Variants in CACNA1C observed in about 807,000 individuals in gnomAD.
CACNA1C encodes calcium voltage-gated channel subunit alpha1 C, also known as voltage-dependent L-type calcium channel subunit alpha-1C.
A neutral mutation model predicts 229.0 loss-of-function variants in CACNA1C; 30 were observed. That is an observed-to-expected ratio of 0.13 (90% CI 0.10 to 0.18). The LOEUF is 0.18. Ranked by LOEUF, CACNA1C falls within the 10% of genes least tolerant of loss-of-function variation. The pLI is 1.00. For missense variants in CACNA1C, 1,658 were observed against 2,845.0 expected, an observed-to-expected ratio of 0.58 and a Z score of 9.49; for synonymous variants, 1,114 against 1,132.5, an observed-to-expected ratio of 0.98 and a Z score of 0.33.
At chr12:2,384,980 G>A (rs543077616) in intron 3 of CACNA1C, among the ~76,000 whole-genome samples, 2 of 152,188 alleles carry the variant, frequency 1.3e-5, no homozygotes, top group Non-Finnish European at 2.9e-5. Flanking sequence ...TCAGGGAGGG[G>A]AGCCAACTGA....
chr12:2,665,365 T>C lies in CACNA1C; in HGVS notation c.4399-216T>C, dbSNP rs1456628147. 1.3e-5 allele frequency among the ~76,000 whole-genome samples: 2 copies of C among 152,196 alleles called. No individual in the cohort carries two copies. Among genetic ancestry groups the C allele is most frequent in the African/African-American group, 2.4e-5 (1 of 41,448 alleles). On this transcript the variant is annotated intron_variant, in intron 35 of 46. Transcript: ENST00000399655. This position sits in a 1 kb window ranked among gnomAD's most constrained non-coding sequence, Gnocchi z 5.9. ...CCCAGCAGCTCGGTAGGAGGGAAGC[T>C]GTCCAGCCCACCTGTGGGTTCATCA...
chr12:2,442,262 A>G (rs2099235869), intron 3 of CACNA1C, among the ~76,000 whole-genome samples: 1 of 152,222 alleles, frequency 6.6e-6, no homozygotes, highest in African/African-American at 2.4e-5. Context: ...AATTAGCTCC[A>G]CAAGTGTTTA....
Position 1,997,853 on chromosome 12 carries a change from A to G in CACNA1C, c.139+26652A>G, listed in dbSNP as rs2041299168. On this transcript the variant is annotated intron_variant, in intron 1 of 46. Coordinates refer to the CACNA1C transcript ENST00000682462. ...TTACTTCTTTTTGAAATAAAACTGC[A>G]TGCACTTGAAGAAGAGTGACACAAC... 7.2e-6 allele frequency: 8 copies of G among 1,107,284 alleles called. 1 individual carries two copies. Among genetic ancestry groups the G allele is most frequent in the South Asian group, 4.3e-5 (3 of 70,532 alleles). 68.6% of individuals were successfully genotyped at this position (1,107,284 alleles called of 1,614,324 possible).
chr12:2,394,035 G>T (rs2098531050), intron 3 of CACNA1C, among the ~76,000 whole-genome samples: 1 of 151,788 alleles, frequency 6.6e-6, no homozygotes, highest in African/African-American at 2.4e-5. Context: ...AGCCTAGGAG[G>T]TCGAGGCTGC....
chr12:2,632,520 G>GA lies in CACNA1C; in HGVS notation c.3829-1771dup, dbSNP rs1470724411. Among the ~76,000 whole-genome samples, 2 of 152,236 alleles carry GA rather than the reference G, an allele frequency of 1.3e-5. No individual in the cohort carries two copies. The highest frequency in any genetic ancestry group is 3.9e-4 in the East Asian group (2 of 5,174). ...TGGTTGACCTGTTGTCCAAGTACAT[G>GA]AAAAAAGTCTTTTAAGAACATTCGT... On this transcript the variant is annotated intron_variant, in intron 29 of 46. Coordinates refer to ENST00000399655, the MANE Select transcript of CACNA1C (RefSeq NM_000719.7). The surrounding 1 kb of genome is among the most constrained non-coding windows in gnomAD (Gnocchi z 4.1).
At chr12:2,192,081 C>T (rs1422375728) in intron 3 of CACNA1C, among the ~76,000 whole-genome samples, 1 of 152,162 alleles carries the variant, frequency 6.6e-6, no homozygotes, top group Non-Finnish European at 1.5e-5. Context: ...CACACACACA[C>T]ACATGCACGC....
Position 2,677,380 on chromosome 12 carries a change from AG to A in CACNA1C, c.4956+164del, listed in dbSNP as rs1157216492. The A allele has an allele frequency of 7.5e-6, 6 of 800,028 alleles. No individual in the cohort carries two copies. In the South Asian group the frequency reaches 7.7e-5, roughly 10 times the overall value. The allele number at this position is 800,028 out of a possible 1,614,324, so 49.6% of individuals were successfully genotyped here. ...GACCTTTCCAAAGATGGCTGTGAGA[AG>A]GGGGTGATGTGCCCTTCCCTACCTG... On this transcript the variant is annotated intron_variant, in intron 40 of 46. Coordinates refer to ENST00000399655, the MANE Select transcript of CACNA1C (RefSeq NM_000719.7). This position sits in a 1 kb window ranked among gnomAD's most constrained non-coding sequence, Gnocchi z 7.4.
chr12:2,211,280 A>T (rs1206541144), intron 3 of CACNA1C, among the ~76,000 whole-genome samples: 1 of 152,212 alleles, frequency 6.6e-6, no homozygotes, highest in East Asian at 1.9e-4. Flanking sequence ...CTTACACCTC[A>T]CAGTAACCAT....
At chr12:2,494,989 AAACTC>A (rs2099743731) in intron 7 of CACNA1C, among the ~76,000 whole-genome samples, 1 of 152,198 alleles carries the variant, frequency 6.6e-6, no homozygotes, top group South Asian at 2.1e-4. Context: ...GAAGCCAACT[AAACTC>A]TAAACTGAGT....
At position 2,410,029 on chromosome 12, in the gene CACNA1C, G is replaced by A. The variant is rs930218797; in HGVS notation, c.478-38947G>A. On this transcript the variant is annotated intron_variant, in intron 3 of 46. Transcript: ENST00000399655. The surrounding 1 kb of genome is among the most constrained non-coding windows in gnomAD (Gnocchi z 5.3). ...GGAACGCAAACAGAGGAGAATTTTCGCTCGGGGTGGGAATGAATCATCCTC... is the reference window on the plus strand; with the variant it reads ...GGAACGCAAACAGAGGAGAATTTTCACTCGGGGTGGGAATGAATCATCCTC... 5.3e-5 allele frequency among the ~76,000 whole-genome samples: 8 copies of A among 152,292 alleles called. No homozygotes were observed. The South Asian group carries it at 8.3e-4, about 16-fold the overall frequency.
At chr12:2,240,362 G>A (rs2069423925) in intron 3 of CACNA1C, among the ~76,000 whole-genome samples, 1 of 152,236 alleles carries the variant, frequency 6.6e-6, no homozygotes, top group Admixed American at 6.5e-5. Flanking sequence ...ATATTGAACA[G>A]TCCTAAAAAG....
At chr12:2,594,152 A>G (rs1223985052) in intron 19 of CACNA1C, among the ~76,000 whole-genome samples, 1 of 152,234 alleles carries the variant, frequency 6.6e-6, no homozygotes, top group African/African-American at 2.4e-5. Context: ...GTACAGATTT[A>G]CTACCATGTG....
At chr12:2,451,393 G>A (rs2099367185) in intron 4 of CACNA1C, among the ~76,000 whole-genome samples, 1 of 152,240 alleles carries the variant, frequency 6.6e-6, no homozygotes, top group East Asian at 1.9e-4. Context: ...GAGAGCAGAT[G>A]CTTCTGGGAC....
chr12:2,520,078 A>G (rs1301126302), intron 9 of CACNA1C, among the ~76,000 whole-genome samples: 6 of 152,140 alleles, frequency 3.9e-5, no homozygotes, highest in Non-Finnish European at 8.8e-5. Flanking sequence ...TTGGGAAGCC[A>G]TGACAGTCTT....
intron 38 of CACNA1C, among the ~76,000 whole-genome samples, chr12:2,673,776 A>G (rs912190419): frequency 6.6e-6 from 1 of 152,130 alleles, no homozygotes; most frequent in African/African-American, 2.4e-5. Context: ...TCTGCCTTTA[A>G]AGGGCTCATG....
chr12:2,377,895 G>A (rs752379610), intron 3 of CACNA1C, among the ~76,000 whole-genome samples: 8 of 152,176 alleles, frequency 5.3e-5, no homozygotes, highest in South Asian at 2.1e-4. Context: ...TCTCTACTAC[G>A]TGGGAAAATG....
At chr12:2,426,409 G>T (rs188202021) in intron 3 of CACNA1C, among the ~76,000 whole-genome samples, 5 of 152,172 alleles carry the variant, frequency 3.3e-5, no homozygotes, top group Non-Finnish European at 7.3e-5. Context: ...TGTAAGAATG[G>T]GTAAAATCTG....
At chr12:2,645,955 C>T (rs987575174) in intron 30 of CACNA1C, among the ~76,000 whole-genome samples, 4 of 152,184 alleles carry the variant, frequency 2.6e-5, no homozygotes, top group African/African-American at 9.6e-5. Flanking sequence ...GAGAATGCCA[C>T]ACAGACATCT....
chr12:2,509,610 C>T (rs1161828658), intron 8 of CACNA1C, among the ~76,000 whole-genome samples: 4 of 152,224 alleles, frequency 2.6e-5, no homozygotes, highest in East Asian at 3.8e-4. Context: ...ATTTAATGCA[C>T]GTGTTTTCTC....
Sources: allele counts gnomAD v4.1 joint callset (sites outside exome capture counted in the v4.1 genomes callset), GRCh38; gene constraint gnomAD v4.1.1; non-coding constraint Gnocchi (gnomAD v3.1); transcripts MANE v1.5; gene names NCBI Gene and HGNC (gene_info 2026-07-23, HGNC 2026-07-21).